EPHA7: variants seen among roughly 807,000 people sequenced by gnomAD.
EPHA7 encodes the protein EPH receptor A7, also known as ephrin type-A receptor 7.
EPHA7 carries 25 observed loss-of-function variants against 112.6 expected under a neutral mutation model. The observed-to-expected ratio is 0.22, with a 90% CI of 0.16 to 0.31. The LOEUF is 0.31. EPHA7 is among the 10% of genes least tolerant of loss of function. The probability of loss-of-function intolerance (pLI) is 1.00; values close to 1 mark genes in which losing one functional copy is unlikely to be tolerated. For missense variants in EPHA7, 962 were observed against 1,212.6 expected, an observed-to-expected ratio of 0.79 and a Z score of 3.07; for synonymous variants, 437 against 406.5, an observed-to-expected ratio of 1.07 and a Z score of -0.90.
chr6:93,276,914 T>C (rs1210838053), intron 5 of EPHA7, among the ~76,000 whole-genome samples: 3 of 152,074 alleles, frequency 2.0e-5, no homozygotes, highest in Admixed American at 6.6e-5. Context: ...TGGAAAAATA[T>C]ACCTGTATTT....
At chr6:93,284,761 C>A (rs1341653714) in intron 5 of EPHA7, among the ~76,000 whole-genome samples, 2 of 151,900 alleles carry the variant, frequency 1.3e-5, no homozygotes, top group African/African-American at 4.8e-5. Flanking sequence ...AACCCAAACA[C>A]CTCATGTTCT....
chr6:93,406,768 G>A (rs1017730546), intron 3 of EPHA7, among the ~76,000 whole-genome samples: 1 of 151,514 alleles, frequency 6.6e-6, no homozygotes, highest in African/African-American at 2.4e-5. Context: ...TTTCTAAATC[G>A]AATAAAATTG....
In EPHA7 at chr6:93,245,363, T is replaced by C; in HGVS notation, c.2817A>G (p.Arg939=). ...CAGCTGCCGTGAAATTATCTTTATA[T>C]CTTTCCATCTTAATAGCTTGTAGCC... The part of the protein sequence containing the change: ...GEWLQAIKME[R]YKDNFTAAGY... Residue 939 remains arginine (R), a synonymous_variant, in exon 16 of 17, where the codon AGA becomes AGG. Transcript: ENST00000369303. The C allele has an allele frequency of 1.2e-6, 2 of 1,613,748 alleles. No individual in the cohort carries two copies. The highest frequency in any genetic ancestry group is 2.2e-5 in the South Asian group (2 of 91,076).
At chr6:93,323,480 A>C (rs1774175197) in intron 5 of EPHA7, among the ~76,000 whole-genome samples, 1 of 151,512 alleles carries the variant, frequency 6.6e-6, no homozygotes, top group Non-Finnish European at 1.5e-5. Context: ...GGAAATGTGC[A>C]TGTTTATTGT....
chr6:93,315,947 GAA>G (rs1048203002), intron 5 of EPHA7, among the ~76,000 whole-genome samples: 1 of 152,118 alleles, frequency 6.6e-6, no homozygotes, highest in Non-Finnish European at 1.5e-5. Context: ...TATATAGATG[GAA>G]AAAAGTTGAT....
intron 5 of EPHA7, among the ~76,000 whole-genome samples, chr6:93,356,501 C>A (rs897517631): frequency 1.3e-5 from 2 of 152,072 alleles, no homozygotes; most frequent in African/African-American, 4.8e-5. Flanking sequence ...CCGCGCCTGG[C>A]CAATTTTATC....
intron 5 of EPHA7, among the ~76,000 whole-genome samples, chr6:93,295,404 T>C (rs77921114): frequency 0.016 from 2,364 of 151,944 alleles, 96 homozygotes; most frequent in East Asian, 0.13. Context: ...TTAGTAGACA[T>C]TCTTTTTCCT....
intron 5 of EPHA7, among the ~76,000 whole-genome samples, chr6:93,302,899 T>G (rs1773062108): frequency 6.6e-6 from 1 of 152,100 alleles, no homozygotes; most frequent in Admixed American, 6.6e-5. Context: ...TTTGCCTTCT[T>G]ATGCCTTCCA....
At chr6:93,366,598 A>G (rs978704861) in intron 3 of EPHA7, among the ~76,000 whole-genome samples, 2 of 152,138 alleles carry the variant, frequency 1.3e-5, no homozygotes, top group African/African-American at 4.8e-5. Flanking sequence ...TGCCTTAGCA[A>G]GCAACAGTGT....
chr6:93,260,729 C>G, intron 9 of EPHA7: 10 of 980,000 alleles, frequency 1.0e-5, no homozygotes, highest in Non-Finnish European at 1.2e-5. Context: ...TTGTCTTAAA[C>G]AATTATTGTT....
At chr6:93,399,874 T>C (rs1277266864) in intron 3 of EPHA7, among the ~76,000 whole-genome samples, 1 of 152,058 alleles carries the variant, frequency 6.6e-6, no homozygotes, top group Non-Finnish European at 1.5e-5. Flanking sequence ...GTTGTCCCAT[T>C]TATTTAAAAA....
At chr6:93,396,918 A>G (rs1778203885) in intron 3 of EPHA7, among the ~76,000 whole-genome samples, 2 of 151,842 alleles carry the variant, frequency 1.3e-5, no homozygotes, top group African/African-American at 4.8e-5. Context: ...AGAAAAATAT[A>G]TGATAATATA....
intron 7 of EPHA7, among the ~76,000 whole-genome samples, chr6:93,268,809 A>T (rs1335795032): frequency 6.6e-6 from 1 of 151,818 alleles, no homozygotes; most frequent in Non-Finnish European, 1.5e-5. Context: ...ACATAAAATG[A>T]TAAAGGGGCT....
rs1397576618 is a variant in EPHA7 at position 93,356,778 on chromosome 6, A to G, written c.1263T>C (p.Val421=). The G allele has an allele frequency of 6.2e-7, 1 of 1,614,138 alleles. No homozygotes were observed. The highest frequency in any genetic ancestry group is 1.7e-5 in the Admixed American group (1 of 60,026). The change falls in exon 5 of 17, where the codon GTT becomes GTC. Residue 421 remains valine, a synonymous_variant. Coordinates refer to ENST00000369303, the MANE Select transcript of EPHA7 (RefSeq NM_004440.4). The part of the protein sequence containing the change: ...YTFEVEAVNG[V]SDLSRSQRLF... Reference sequence around the variant, plus strand: ...GCCTCTGGGATCGGCTTAAGTCAGAAACTCCATTTACAGCTTCAACTTCAA... The same window carrying G: ...GCCTCTGGGATCGGCTTAAGTCAGAGACTCCATTTACAGCTTCAACTTCAA...
At chr6:93,276,631 A>T (rs1472479387) in intron 5 of EPHA7, among the ~76,000 whole-genome samples, 1 of 152,056 alleles carries the variant, frequency 6.6e-6, no homozygotes, top group African/African-American at 2.4e-5. Context: ...AAATGAATAC[A>T]TGTAGTAAAA....
rs1325410006 is a variant in EPHA7, at chr6:93,365,955, T to G, written c.833-7544A>C. On this transcript the variant is annotated intron_variant, in intron 3 of 16. Coordinates refer to ENST00000369303, the MANE Select transcript of EPHA7 (RefSeq NM_004440.4). ...GAAAAACATGTAAAATAAGAAGCTTTAAAAAGTTTCGTTTCTAAAGTTTAG... is the reference window on the plus strand; with the variant it reads ...GAAAAACATGTAAAATAAGAAGCTTGAAAAAGTTTCGTTTCTAAAGTTTAG... Among the ~76,000 whole-genome samples the G allele has an allele frequency of 2.0e-5, 3 of 152,290 alleles. No individual in the cohort carries two copies. In the East Asian group the frequency reaches 5.8e-4, roughly 29 times the overall value.
chr6:93,416,460 C>T (rs1014741298), intron 1 of EPHA7, among the ~76,000 whole-genome samples: 2 of 152,184 alleles, frequency 1.3e-5, no homozygotes, highest in African/African-American at 4.8e-5. Context: ...TACCCCTCAG[C>T]TCAGCCTGGG....
chr6:93,377,550 T>TA (rs5878313), intron 3 of EPHA7, among the ~76,000 whole-genome samples: 143,853 of 148,632 alleles, frequency 0.97, 69,612 homozygotes, highest in East Asian at 1. Context: ...TTTGAAAAAC[T>TA]AAAAAAAAAA....
At chr6:93,248,095 A>G (rs1770039864) in intron 14 of EPHA7, among the ~76,000 whole-genome samples, 1 of 136,878 alleles carries the variant, frequency 7.3e-6, no homozygotes, top group South Asian at 2.8e-4. Flanking sequence ...TAGAAATGTA[A>G]CAAAAAATGA....
Sources: allele counts gnomAD v4.1 joint callset (sites outside exome capture counted in the v4.1 genomes callset), GRCh38; gene constraint gnomAD v4.1.1; transcripts MANE v1.5; gene names NCBI Gene and HGNC (gene_info 2026-07-23, HGNC 2026-07-21).